The following SUGCT variants were observed in gnomAD, a reference collection of about 807,000 sequenced individuals.
The protein encoded by SUGCT is succinyl-CoA:glutarate CoA-transferase.
In SUGCT, 41 loss-of-function variants were observed where a neutral mutation model predicts 55.0. The observed-to-expected ratio is 0.74, with a 90% CI of 0.58 to 0.97. The LOEUF is 0.97. SUGCT is among the 50% of genes least tolerant of loss of function. The pLI, the probability that SUGCT is intolerant of heterozygous loss-of-function variation, is 0.00. For missense variants in SUGCT, 568 were observed against 547.8 expected (o/e 1.04, Z -0.37); for synonymous variants, 187 against 200.4 (o/e 0.93, Z 0.56).
the SUGCT span, among the ~76,000 whole-genome samples, chr7:40,944,943 G>A: frequency 6.6e-6 from 1 of 152,152 alleles, no homozygotes; most frequent in African/African-American, 2.4e-5. Context: ...GTGTGAGCAG[G>A]TTCACTATCT....
chr7:40,221,211 C>A (rs1417500140), intron 6 of SUGCT, among the ~76,000 whole-genome samples: 1 of 151,820 alleles, frequency 6.6e-6, no homozygotes, highest in African/African-American at 2.4e-5. Flanking sequence ...GTTAGGAGTT[C>A]AAGACCAGCC....
chr7:40,931,060 G>A, the SUGCT span, among the ~76,000 whole-genome samples: 2 of 152,150 alleles, frequency 1.3e-5, no homozygotes, highest in African/African-American at 4.8e-5. Flanking sequence ...CTGTGGGTTT[G>A]TCATAAATAG....
the SUGCT span, among the ~76,000 whole-genome samples, chr7:40,962,281 A>G: frequency 6.6e-6 from 1 of 152,148 alleles, no homozygotes; most frequent in Non-Finnish European, 1.5e-5. Context: ...CTTTAGCTAG[A>G]CAGAAAAGTT....
At chr7:40,990,711 GCTAGATCTT>G in the SUGCT span, among the ~76,000 whole-genome samples, 1 of 152,184 alleles carries the variant, frequency 6.6e-6, no homozygotes, top group Non-Finnish European at 1.5e-5. Flanking sequence ...AATTTTCTTA[GCTAGATCTT>G]CTAGATAACT....
intron 12 of SUGCT, among the ~76,000 whole-genome samples, chr7:40,681,127 C>T (rs1471135653): frequency 6.6e-6 from 1 of 152,070 alleles, no homozygotes; most frequent in African/African-American, 2.4e-5. Flanking sequence ...GCCGGAATCT[C>T]CAGTGATTAG....
intron 9 of SUGCT, among the ~76,000 whole-genome samples, chr7:40,342,312 G>T (rs985960600): frequency 1.2e-4 from 18 of 152,152 alleles, no homozygotes; most frequent in African/African-American, 4.1e-4. Context: ...CTTTCTTATG[G>T]ATAAGTATGA....
chr7:41,011,006 G>A, the SUGCT span, among the ~76,000 whole-genome samples: 10 of 152,292 alleles, frequency 6.6e-5, no homozygotes, highest in African/African-American at 2.4e-4. Context: ...TGGTGGTTTG[G>A]GTGAGGAAAA....
intron 1 of SUGCT, among the ~76,000 whole-genome samples, chr7:40,170,495 A>G (rs545435092): frequency 6.6e-6 from 1 of 152,284 alleles, no homozygotes; most frequent in South Asian, 2.1e-4. Context: ...CTTAGGGGGA[A>G]CATTTTCTAT....
At chr7:40,298,207 G>C (rs1238625606) in intron 8 of SUGCT, among the ~76,000 whole-genome samples, 1 of 150,964 alleles carries the variant, frequency 6.6e-6, no homozygotes, top group Non-Finnish European at 1.5e-5. Flanking sequence ...AAAAAAAAAA[G>C]ATCAGTCACC....
chr7:40,348,969 A>ATGGTTT (rs1797470124), intron 9 of SUGCT, among the ~76,000 whole-genome samples: 1 of 152,074 alleles, frequency 6.6e-6, no homozygotes, highest in African/African-American at 2.4e-5. Context: ...CCCTACATAG[A>ATGGTTT]TGGTTTTGAA....
At chr7:40,516,559 G>A (rs1793243086) in intron 12 of SUGCT, among the ~76,000 whole-genome samples, 2 of 151,934 alleles carry the variant, frequency 1.3e-5, no homozygotes, top group East Asian at 1.9e-4. Flanking sequence ...TCTTTTGCAC[G>A]TGAGTAACCA....
intron 6 of SUGCT, among the ~76,000 whole-genome samples, chr7:40,221,539 G>A (rs1397713609): frequency 7.8e-5 from 11 of 140,348 alleles, no homozygotes; most frequent in Non-Finnish European, 1.5e-5. Context: ...CGCCCAGGCT[G>A]GAGTACAGTG....
chr7:40,477,012 A>G (rs1790730647), intron 11 of SUGCT, among the ~76,000 whole-genome samples: 1 of 152,132 alleles, frequency 6.6e-6, no homozygotes, highest in Admixed American at 6.6e-5. Context: ...AACAACATTT[A>G]AACTAGTTTT....
At chr7:40,218,154 C>A (rs145849816) in intron 6 of SUGCT, among the ~76,000 whole-genome samples, 2,663 of 152,136 alleles carry the variant, frequency 0.018, 74 homozygotes, top group African/African-American at 0.062. Context: ...CAGAGGCTGC[C>A]GTGAGCTGAC....
At chr7:40,727,397 A>G (rs558301149) in intron 12 of SUGCT, among the ~76,000 whole-genome samples, 5 of 152,188 alleles carry the variant, frequency 3.3e-5, no homozygotes, top group Admixed American at 2.6e-4. Flanking sequence ...TCAGCAGTGG[A>G]ATCTAGCCCA....
intron 12 of SUGCT, among the ~76,000 whole-genome samples, chr7:40,518,509 T>A (rs1196476778): frequency 6.6e-6 from 1 of 152,130 alleles, no homozygotes; most frequent in African/African-American, 2.4e-5. Flanking sequence ...TCAGATGTTG[T>A]TTTTAAAATG....
intron 11 of SUGCT, among the ~76,000 whole-genome samples, chr7:40,475,619 T>C (rs1790622919): frequency 6.6e-6 from 1 of 152,200 alleles, no homozygotes; most frequent in Non-Finnish European, 1.5e-5. Flanking sequence ...TCAATGAGTA[T>C]GTATTGAGCT....
intron 11 of SUGCT, among the ~76,000 whole-genome samples, chr7:40,477,851 A>G (rs1790790902): frequency 6.6e-6 from 1 of 152,100 alleles, no homozygotes; most frequent in Non-Finnish European, 1.5e-5. Context: ...GTTATGTTTG[A>G]TATGTTGCTT....
the SUGCT span, among the ~76,000 whole-genome samples, chr7:40,994,493 A>G: frequency 6.6e-6 from 1 of 151,848 alleles, no homozygotes; most frequent in Non-Finnish European, 1.5e-5. Flanking sequence ...AAGTGTAAAG[A>G]GATTGGAGCA....
Sources: allele counts gnomAD v4.1 joint callset (sites outside exome capture counted in the v4.1 genomes callset), GRCh38; gene constraint gnomAD v4.1.1; transcripts MANE v1.5; gene names NCBI Gene and HGNC (gene_info 2026-07-23, HGNC 2026-07-21).